AMZ2: variants seen among roughly 807,000 people sequenced by gnomAD.
AMZ2 encodes the protein archaelysin family metallopeptidase 2.
AMZ2 carries 26 observed loss-of-function variants against 36.7 expected under a neutral mutation model. The observed-to-expected ratio is 0.71, with a 90% CI of 0.52 to 0.98. The LOEUF (loss-of-function observed/expected upper bound fraction) is 0.98, where lower values mean the gene tolerates loss of function less well. AMZ2 is among the 50% of genes least tolerant of loss of function. The probability of loss-of-function intolerance (pLI) is 0.00; values close to 1 mark genes in which losing one functional copy is unlikely to be tolerated. For missense variants in AMZ2, 394 were observed against 430.5 expected, an observed-to-expected ratio of 0.92 and a Z score of 0.75; for synonymous variants, 144 against 149.1, an observed-to-expected ratio of 0.97 and a Z score of 0.25.
chr17:68,237,703 T>G (rs73349669), intron 1 of AMZ2, among the ~76,000 whole-genome samples: 33,245 of 152,072 alleles, frequency 0.22, 4,108 homozygotes, highest in East Asian at 0.41. Flanking sequence ...TTTCCAGCTT[T>G]TGGGAAAAAA....
At chr17:68,218,655 A>T (rs1568346031) in intron 1 of AMZ2, among the ~76,000 whole-genome samples, 1 of 152,134 alleles carries the variant, frequency 6.6e-6, no homozygotes, top group Non-Finnish European at 1.5e-5. Flanking sequence ...TTCTGTCCAC[A>T]TTCAGTTCTG....
intron 1 of AMZ2, among the ~76,000 whole-genome samples, chr17:68,229,559 C>T (rs1432657457): frequency 6.6e-6 from 1 of 152,158 alleles, no homozygotes; most frequent in African/African-American, 2.4e-5. Flanking sequence ...TACCCAAAAG[C>T]GAGGTACCTT....
intron 1 of AMZ2, chr17:68,206,640 C>A (rs12945591): frequency 0.12 from 18,966 of 152,264 alleles, 1,334 homozygotes; most frequent in Non-Finnish European, 0.15. Context: ...TCTTGTTTTA[C>A]AAACCTCTTT....
At chr17:68,232,979 C>G (rs1364093997) in intron 1 of AMZ2, among the ~76,000 whole-genome samples, 6 of 152,234 alleles carry the variant, frequency 3.9e-5, no homozygotes, top group Non-Finnish European at 5.9e-5. Context: ...CAGAGTATCA[C>G]AGGTTGGGTG....
intron 1 of AMZ2, among the ~76,000 whole-genome samples, chr17:68,222,174 G>A (rs2073384817): frequency 6.6e-6 from 1 of 152,252 alleles, no homozygotes; most frequent in African/African-American, 2.4e-5. Context: ...ACTGGATGGA[G>A]CCATTCCTGA....
chr17:68,251,946 C>A (rs1312071954), intron 4 of AMZ2, among the ~76,000 whole-genome samples: 1 of 151,844 alleles, frequency 6.6e-6, no homozygotes, highest in Non-Finnish European at 1.5e-5. Context: ...ATGTAATAAA[C>A]CTTGACTCAT....
exon 1 of AMZ2, chr17:68,206,175 G>A: frequency 7.7e-7 from 1 of 1,306,588 alleles, no homozygotes; most frequent in Admixed American, 3.1e-5. Flanking sequence ...GGAAGACGAC[G>A]ACGACGCCAG....
At chr17:68,252,033 T>G (rs74657799) in intron 4 of AMZ2, among the ~76,000 whole-genome samples, 5 of 152,026 alleles carry the variant, frequency 3.3e-5, no homozygotes, top group African/African-American at 4.8e-5. Context: ...TTTTTTTTTT[T>G]GTCATCTCTC....
intron 1 of AMZ2, among the ~76,000 whole-genome samples, chr17:68,219,904 C>A (rs1377226340): frequency 6.6e-6 from 1 of 152,108 alleles, no homozygotes; most frequent in Non-Finnish European, 1.5e-5. Context: ...GCTGTGAACT[C>A]GACATTGCTA....
chr17:68,242,921 G>A (rs1323640073), intron 1 of AMZ2, among the ~76,000 whole-genome samples: 10 of 151,790 alleles, frequency 6.6e-5, no homozygotes, highest in African/African-American at 2.2e-4. Context: ...GTGCATACCT[G>A]TAATCCAAGC....
At chr17:68,228,108 C>T (rs114534641) in intron 1 of AMZ2, among the ~76,000 whole-genome samples, 15,050 of 152,044 alleles carry the variant, frequency 0.099, 841 homozygotes, top group Non-Finnish European at 0.12. Flanking sequence ...CTCCCCTAGC[C>T]GCCCACACAT....
chr17:68,211,479 G>T, intron 1 of AMZ2, among the ~76,000 whole-genome samples: 1 of 149,604 alleles, frequency 6.7e-6, no homozygotes, highest in African/African-American at 2.5e-5. Context: ...CTCCAGCCTG[G>T]GCAACAAAGC....
intron 1 of AMZ2, chr17:68,207,313 A>AACCCCCCCCC (rs2072865347): frequency 1.8e-5 from 2 of 110,650 alleles, no homozygotes; most frequent in Non-Finnish European, 3.8e-5. Flanking sequence ...TTTGTTAAAT[A>AACCCCCCCCC]CCCCCCCCCC....
In AMZ2 at chr17:68,248,621, C is replaced by G. The variant is rs2074199915; in HGVS notation, c.-85C>G. 6.1e-6 allele frequency: 6 copies of G among 985,938 alleles called. No homozygotes were observed. The highest frequency in any genetic ancestry group is 7.2e-6 in the Non-Finnish European group (6 of 830,008). The allele number at this position is 985,938 out of a possible 1,614,324, so 61.1% of individuals were successfully genotyped here. A position where few individuals can be genotyped will look rare whatever the true frequency, so the allele number is the denominator to read the frequency against. Reference sequence around the variant, plus strand: ...TTTTTAATATTAAGATGAAGTCACACTCCACAACTTTCTTCCAGCCAGGCC... The same window carrying G: ...TTTTTAATATTAAGATGAAGTCACAGTCCACAACTTTCTTCCAGCCAGGCC... On this transcript the variant is annotated 5_prime_UTR_variant, in exon 1 of 7. Coordinates refer to ENST00000359904, the MANE Select transcript of AMZ2 (RefSeq NM_016627.5).
chr17:68,237,740 A>C (rs570908051), intron 1 of AMZ2, among the ~76,000 whole-genome samples: 1 of 152,172 alleles, frequency 6.6e-6, no homozygotes, highest in South Asian at 2.1e-4. Flanking sequence ...AAGGGCAAGA[A>C]GGCCTTTCCT....
At chr17:68,248,880 A>G in intron 1 of AMZ2, 175 bp downstream of exon 1, 3 of 690,300 alleles carry the variant, frequency 4.3e-6, no homozygotes, top group Non-Finnish European at 5.6e-6. Flanking sequence ...TTATAGGTTC[A>G]ATCAGAACAG....
chr17:68,254,510 T>G lies in AMZ2; in HGVS notation c.693T>G (p.Ile231Met). 6.2e-7 allele frequency: 1 copy of G among 1,613,446 alleles called. No homozygotes were observed. Among genetic ancestry groups the G allele is most frequent in the Non-Finnish European group, 8.5e-7 (1 of 1,179,586 alleles). The part of the protein sequence containing the change: ...LKKTSSSDYS[I>M]FDNYYIPEIT... ...AAACATCTTCAAGTGACTATTCAAT[T>G]TTCGACAACTATTATATTCCAGAAA... The change falls in exon 5 of 7, where the codon ATT becomes ATG. Residue 231 changes from isoleucine (I) to methionine (M), a missense_variant. Coordinates refer to ENST00000359904, the MANE Select transcript of AMZ2 (RefSeq NM_016627.5).
chr17:68,239,484 A>G (rs1290233266), intron 1 of AMZ2, among the ~76,000 whole-genome samples: 4 of 152,298 alleles, frequency 2.6e-5, no homozygotes, highest in African/African-American at 9.6e-5. Context: ...GAACCTCTTA[A>G]CCCTCTTAAT....
At chr17:68,228,026 A>G (rs1555730317) in intron 1 of AMZ2, among the ~76,000 whole-genome samples, 1 of 152,144 alleles carries the variant, frequency 6.6e-6, no homozygotes, top group African/African-American at 2.4e-5. Context: ...TGCGGGGGAC[A>G]TGTTCAAGTT....
Sources: gnomAD v4.1 joint callset for allele counts (sites outside exome capture counted in the v4.1 genomes callset) on GRCh38, gnomAD v4.1.1 for gene constraint, MANE v1.5 for transcripts, NCBI Gene and HGNC (gene_info 2026-07-23, HGNC 2026-07-21) for gene names.